Variants in CUX2 observed in about 807,000 individuals in gnomAD.
The protein encoded by CUX2 is cut like homeobox 2, also known as homeobox protein cut-like 2.
A neutral mutation model predicts 144.8 loss-of-function variants in CUX2; 40 were observed. The observed-to-expected ratio is 0.28, with a 90% CI of 0.21 to 0.36. The LOEUF (loss-of-function observed/expected upper bound fraction) is 0.36, where lower values mean the gene tolerates loss of function less well. CUX2 is among the 10% of genes least tolerant of loss of function. The pLI, the probability that CUX2 is intolerant of heterozygous loss-of-function variation, is 1.00. For synonymous variants in CUX2, 827 were observed against 875.6 expected (o/e 0.94, Z 0.98); for missense variants, 1,615 against 1,994.0 (o/e 0.81, Z 3.62).
intron 4 of CUX2, among the ~76,000 whole-genome samples, chr12:111,275,487 G>A (rs1884828898): frequency 6.6e-6 from 1 of 152,226 alleles, no homozygotes; most frequent in South Asian, 2.1e-4. Flanking sequence ...GCAGCCGCAT[G>A]TGTCGGCTGG....
rs1213244132 is a variant in CUX2, at chr12:111,246,396, C to T, written c.223-17365C>T. On this transcript the variant is annotated intron_variant, in intron 3 of 21. Coordinates refer to ENST00000261726, the MANE Select transcript of CUX2 (RefSeq NM_015267.4). This position sits in a 1 kb window ranked among gnomAD's most constrained non-coding sequence, Gnocchi z 4.0. ...CAGGGCTTTTAGGATGATTTCTAGA[C>T]TTAATACATATAAAGCACTTAAAAC... 6.6e-6 allele frequency among the ~76,000 whole-genome samples: 1 copy of T among 152,164 alleles called. No individual in the cohort carries two copies. The highest frequency in any genetic ancestry group is 1.9e-4 in the East Asian group (1 of 5,192).
chr12:111,258,584 G>A (rs778556663), intron 3 of CUX2, among the ~76,000 whole-genome samples: 6 of 149,996 alleles, frequency 4.0e-5, no homozygotes, highest in African/African-American at 1.2e-4. Flanking sequence ...GCCTTGAAAC[G>A]AGACTGAATG....
rs1871623186 is a variant in CUX2, at chr12:111,077,852, G to A, written c.63+43612G>A. On this transcript the variant is annotated intron_variant, in intron 1 of 21. Transcript: ENST00000261726. The surrounding 1 kb of genome is among the most constrained non-coding windows in gnomAD (Gnocchi z 4.1). ...ATCCATGGGTCTGTTTAAGAGATAAGAACAGCAGCTAAAGGTTTGATTTAG... is the reference window on the plus strand; with the variant it reads ...ATCCATGGGTCTGTTTAAGAGATAAAAACAGCAGCTAAAGGTTTGATTTAG... 6.6e-6 allele frequency among the ~76,000 whole-genome samples: 1 copy of A among 152,170 alleles called. No individual in the cohort carries two copies. The highest frequency in any genetic ancestry group is 1.5e-5 in the Non-Finnish European group (1 of 68,034).
chr12:111,054,225 G>A (rs1025857284), intron 1 of CUX2, among the ~76,000 whole-genome samples: 2 of 152,172 alleles, frequency 1.3e-5, no homozygotes, highest in Admixed American at 6.5e-5. Flanking sequence ...TGGCGTCCCC[G>A]GGCCTGCATT....
chr12:111,091,645 A>G (rs1872560020), intron 1 of CUX2, among the ~76,000 whole-genome samples: 1 of 152,260 alleles, frequency 6.6e-6, no homozygotes, highest in East Asian at 1.9e-4. Flanking sequence ...ATTACCACCA[A>G]CTAAAGGGGA....
At chr12:111,162,304 G>A (rs1389726487) in intron 1 of CUX2, among the ~76,000 whole-genome samples, 1 of 152,224 alleles carries the variant, frequency 6.6e-6, no homozygotes, top group East Asian at 1.9e-4. Flanking sequence ...GCCACGGGTG[G>A]GAGGTGGGGT....
Position 111,320,551 on chromosome 12 carries a change from A to C in CUX2, c.2542A>C (p.Arg848=). 6.5e-7 allele frequency: 1 copy of C among 1,537,876 alleles called. No individual in the cohort carries two copies. Among genetic ancestry groups the C allele is most frequent in the Non-Finnish European group, 8.7e-7 (1 of 1,150,248 alleles). Reference sequence around the variant, plus strand: ...GGCAGGGGCGGAGGACGAACCCCCCAGGACGGGCGAGCTCAAGGCTGAGGG... The same window carrying C: ...GGCAGGGGCGGAGGACGAACCCCCCCGGACGGGCGAGCTCAAGGCTGAGGG... ...AAAGAEDEPP[R]TGELKAEGAT... Residue 848 remains arginine (R), a synonymous_variant, in exon 17 of 22, where the codon AGG becomes CGG. Transcript: ENST00000261726. This position sits in a 1 kb window ranked among gnomAD's most constrained non-coding sequence, Gnocchi z 8.1.
chr12:111,291,128 G>A (rs1034396461), intron 4 of CUX2, among the ~76,000 whole-genome samples: 2 of 151,944 alleles, frequency 1.3e-5, no homozygotes, highest in African/African-American at 4.8e-5. Flanking sequence ...GCCTCCCAAA[G>A]TGCTGGGATT....
At chr12:111,069,533 T>TGTGTGTGTGTGTGTGTGTGCGCGCGC (rs769360495) in intron 1 of CUX2, among the ~76,000 whole-genome samples, 2,353 of 148,230 alleles carry the variant, frequency 0.016, 56 homozygotes, top group South Asian at 0.1. Flanking sequence ...TGTGTGTGTG[T>TGTGTGTGTGTGTGTGTGTGCGCGCGC]GTGTGTGTGT....
rs781067576 is a variant in CUX2, at chr12:111,348,225, A to G, written c.4361A>G (p.Asn1454Ser). ...ALHPSAKVNP[N>S]LQRRHEKMAN... Reference sequence around the variant, plus strand: ...CACCCCAGTGCCAAGGTGAACCCCAACTTGCAGCGGCGGCATGAGAAGATG... The same window carrying G: ...CACCCCAGTGCCAAGGTGAACCCCAGCTTGCAGCGGCGGCATGAGAAGATG... Residue 1454 changes from asparagine (N) to serine (S), a missense_variant, in exon 22 of 22, where the codon AAC (asparagine) becomes AGC (serine). Asn to Ser is a conservative substitution (Grantham distance 46, BLOSUM62 1). Around this residue, in one of 12 missense-constraint regions of CUX2, gnomAD observed 298 missense variants for 330.4 expected, o/e 0.90. Transcript: ENST00000261726. 1.2e-6 allele frequency: 2 copies of G among 1,614,020 alleles called. No homozygotes were observed. The highest frequency in any genetic ancestry group is 2.2e-5 in the East Asian group (1 of 44,874).
intron 20 of CUX2, among the ~76,000 whole-genome samples, chr12:111,341,558 C>T (rs1402152463): frequency 6.7e-6 from 1 of 149,420 alleles, no homozygotes; most frequent in African/African-American, 2.5e-5. Context: ...GGCTCCCGGG[C>T]GGGCGAGGTT....
At chr12:111,345,619 G>A (rs1430184247) in intron 21 of CUX2, among the ~76,000 whole-genome samples, 4 of 151,628 alleles carry the variant, frequency 2.6e-5, no homozygotes, top group African/African-American at 9.7e-5. Context: ...GCGGGCGCCT[G>A]TAGTCCCAGC....
intron 3 of CUX2, among the ~76,000 whole-genome samples, chr12:111,234,905 G>T (rs1163508054): frequency 6.6e-6 from 1 of 152,048 alleles, no homozygotes; most frequent in African/African-American, 2.4e-5. Flanking sequence ...TTTTAGTAAA[G>T]ATGGGGTTTG....
At chr12:111,252,269 G>A (rs748046248) in intron 3 of CUX2, among the ~76,000 whole-genome samples, 13 of 152,182 alleles carry the variant, frequency 8.5e-5, no homozygotes, top group African/African-American at 1.9e-4. Flanking sequence ...AGGAGCCTTC[G>A]GCCCATAGCC....
At chr12:111,317,098 T>C (rs1887235174) in intron 16 of CUX2, among the ~76,000 whole-genome samples, 1 of 152,258 alleles carries the variant, frequency 6.6e-6, no homozygotes, top group South Asian at 2.1e-4. Context: ...GTTCCATTGC[T>C]ATATTACTTT....
At chr12:111,094,911 G>T (rs1872732465) in intron 1 of CUX2, among the ~76,000 whole-genome samples, 1 of 152,186 alleles carries the variant, frequency 6.6e-6, no homozygotes, top group South Asian at 2.1e-4. Flanking sequence ...TTTAACCAGG[G>T]AGGCTCTCTT....
At chr12:111,161,259 C>T (rs1186993452) in intron 1 of CUX2, among the ~76,000 whole-genome samples, 1 of 152,190 alleles carries the variant, frequency 6.6e-6, no homozygotes, top group South Asian at 2.1e-4. Context: ...GATGCACCCT[C>T]TGGGGACTCA....
intron 20 of CUX2, among the ~76,000 whole-genome samples, chr12:111,341,291 C>G (rs1888562358): frequency 1.3e-5 from 2 of 151,894 alleles, no homozygotes; most frequent in African/African-American, 2.4e-5. Flanking sequence ...GAGACCCCAT[C>G]TCTACAAAAA....
At chr12:111,063,647 G>C (rs1262327426) in intron 1 of CUX2, among the ~76,000 whole-genome samples, 1 of 152,242 alleles carries the variant, frequency 6.6e-6, no homozygotes, top group Non-Finnish European at 1.5e-5. Flanking sequence ...GGGTTCTCAG[G>C]CAGGCTGGCT....
Sources: gnomAD v4.1 joint callset for allele counts (sites outside exome capture counted in the v4.1 genomes callset) on GRCh38, gnomAD v4.1.1 for gene constraint, gnomAD v4.1.1 regional missense constraint, Gnocchi (gnomAD v3.1) non-coding constraint, MANE v1.5 for transcripts, NCBI Gene and HGNC (gene_info 2026-07-23, HGNC 2026-07-21) for gene names.